Variants in VASH2 observed in about 807,000 individuals in gnomAD.
The protein encoded by VASH2 is vasohibin 2, also known as tubulinyl-Tyr carboxypeptidase 2.
A neutral mutation model predicts 37.2 loss-of-function variants in VASH2; 28 were observed. The ratio of observed to expected loss-of-function variants is 0.75; its 90% CI spans 0.56 to 1.03. The LOEUF (loss-of-function observed/expected upper bound fraction) is 1.03, where lower values mean the gene tolerates loss of function less well. Among genes scored for constraint, VASH2 ranks in the 50% least tolerant of loss-of-function variants. VASH2 has a pLI of 0.00. For synonymous variants in VASH2, 188 were observed against 174.7 expected (o/e 1.08, Z -0.60); for missense variants, 419 against 459.1 (o/e 0.91, Z 0.80).
chr1:212,951,678 G>A lies in VASH2; in HGVS notation c.136G>A (p.Gly46Arg), dbSNP rs765047470. The change falls in exon 2 of 8, where the codon GGG (glycine) becomes AGG (arginine). Residue 46 changes from glycine to arginine, a missense_variant. Coordinates refer to ENST00000517399, the MANE Select transcript of VASH2 (RefSeq NM_001301056.2). The surrounding 1 kb of genome is among the most constrained non-coding windows in gnomAD (Gnocchi z 4.4). ...GGSEEEDKDG[G>R]VLFHVNKSGF... ...CTCAGAGGAGGAGGACAAAGACGGC[G>A]GGGTGCTGTTCCACGTCAACAAGAG... is the stretch of plus-strand genomic sequence containing the variant. 2 of 1,598,086 alleles carry A rather than the reference G, an allele frequency of 1.3e-6. No individual in the cohort carries two copies. The highest frequency in any genetic ancestry group is 8.5e-7 in the Non-Finnish European group (1 of 1,173,546).
At chr1:212,985,806 C>T (rs960433404) in intron 7 of VASH2, among the ~76,000 whole-genome samples, 1 of 152,210 alleles carries the variant, frequency 6.6e-6, no homozygotes, top group Non-Finnish European at 1.5e-5. Context: ...ATGAAGGGCA[C>T]ATACCAGTTG....
At chr1:212,961,119 C>T in intron 2 of VASH2, 47 bp from the exon 3 acceptor site, 1 of 1,595,820 alleles carries the variant, frequency 6.3e-7, no homozygotes, top group African/African-American at 1.3e-5. Context: ...AGCTGGGCCC[C>T]AGAGCGCCTC....
At chr1:212,968,448 TGG>T (rs1260530374) in intron 5 of VASH2, 1 of 985,400 alleles carries the variant, frequency 1.0e-6, no homozygotes, top group East Asian at 1.1e-4. Context: ...CTGGGTCTCC[TGG>T]ACATCTTTGT....
At position 212,989,381 on chromosome 1, in the gene VASH2, C is replaced by T. The variant is rs1311649787; in HGVS notation, c.*797C>T. ...AACATTTAAACTTTGCAGACTCTAA[C>T]AAAAAGCACAAGAGGTCACGTACTA... On this transcript the variant is annotated 3_prime_UTR_variant, in exon 8 of 8. Coordinates refer to ENST00000517399, the MANE Select transcript of VASH2 (RefSeq NM_001301056.2). 1 of 152,128 alleles carries T rather than the reference C, an allele frequency of 6.6e-6. No individual in the cohort carries two copies. The highest frequency in any genetic ancestry group is 1.9e-4 in the East Asian group (1 of 5,202). 9.4% of individuals were successfully genotyped at this position (152,128 alleles called of 1,614,324 possible).
intron 5 of VASH2, chr1:212,968,352 A>G: frequency 1.0e-6 from 1 of 985,510 alleles, no homozygotes; most frequent in Non-Finnish European, 1.2e-6. Context: ...AAAGAAAACC[A>G]GGAGAGAAAG....
intron 2 of VASH2, among the ~76,000 whole-genome samples, chr1:212,959,647 C>T (rs556602611): frequency 3.3e-5 from 5 of 152,324 alleles, no homozygotes; most frequent in South Asian, 2.1e-4. Context: ...TGGAAAGACC[C>T]CGATGCCCAG....
intron 2 of VASH2, among the ~76,000 whole-genome samples, chr1:212,956,180 C>T (rs1666483523): frequency 6.6e-6 from 1 of 152,218 alleles, no homozygotes; most frequent in African/African-American, 2.4e-5. Flanking sequence ...CCATCCGTAT[C>T]ACTTCCCTTG....
chr1:212,973,870 G>T, intron 6 of VASH2, 85 bp from the exon 7 acceptor site: 2 of 1,518,946 alleles, frequency 1.3e-6, no homozygotes, highest in Non-Finnish European at 8.9e-7. Flanking sequence ...GATTGGGCTG[G>T]GGGGTGGAAT....
intron 3 of VASH2, among the ~76,000 whole-genome samples, chr1:212,962,096 C>T (rs920999369): frequency 3.9e-5 from 6 of 152,184 alleles, no homozygotes; most frequent in East Asian, 3.9e-4. Context: ...CCCTCTCCCC[C>T]GACTCGAGCT....
At chr1:212,968,957 A>T in intron 5 of VASH2, 3 of 985,324 alleles carry the variant, frequency 3.0e-6, no homozygotes, top group East Asian at 1.1e-4. Context: ...AATTTTATAC[A>T]TTTGCGCATC....
In VASH2 at chr1:212,971,206, T is replaced by C. The variant is rs114270086; in HGVS notation, c.498-1374T>C. Among the ~76,000 whole-genome samples the C allele has an allele frequency of 0.021, 3,244 of 152,332 alleles. 62 individuals are homozygous for C. Among genetic ancestry groups the C allele is most frequent in the Middle Eastern group, 0.054 (16 of 294 alleles). On this transcript the variant is annotated intron_variant, in intron 5 of 7. Transcript: ENST00000517399. The surrounding 1 kb of genome is among the most constrained non-coding windows in gnomAD (Gnocchi z 4.0). ...TCATCCCTTTATCCATCGATGGATA[T>C]TTGCGTTGTTTCCACCTTCTGGCTA...
chr1:212,984,393 C>G (rs554436067), intron 7 of VASH2, among the ~76,000 whole-genome samples: 5 of 152,258 alleles, frequency 3.3e-5, no homozygotes, highest in African/African-American at 1.2e-4. Context: ...CCCAGTGAGC[C>G]TCCATGACAG....
At chr1:212,968,962 C>A in intron 5 of VASH2, 1 of 985,398 alleles carries the variant, frequency 1.0e-6, no homozygotes, top group Non-Finnish European at 1.2e-6. Context: ...TATACATTTG[C>A]GCATCATGCC....
chr1:212,951,474 C>A lies in VASH2; in HGVS notation c.-69C>A. ...CCCTCGCCGCGCCCGCGCGCACACG[C>A]CCCCCGCCGCCGCCGCCGCTGCCGC... On this transcript the variant is annotated 5_prime_UTR_variant, in exon 2 of 8. Coordinates refer to ENST00000517399, the MANE Select transcript of VASH2 (RefSeq NM_001301056.2). This position sits in a 1 kb window ranked among gnomAD's most constrained non-coding sequence, Gnocchi z 4.4. 3.0e-6 allele frequency: 3 copies of A among 1,009,118 alleles called. No individual in the cohort carries two copies. The highest frequency in any genetic ancestry group is 3.7e-6 in the Non-Finnish European group (3 of 820,754). 62.5% of individuals were successfully genotyped at this position (1,009,118 alleles called of 1,614,324 possible). A position where few individuals can be genotyped will look rare whatever the true frequency, so the allele number is the denominator to read the frequency against.
At chr1:212,953,053 G>A (rs114811173) in intron 2 of VASH2, among the ~76,000 whole-genome samples, 2,352 of 152,222 alleles carry the variant, frequency 0.015, 22 homozygotes, top group Middle Eastern at 0.027. Context: ...TTGCAGTTCT[G>A]ACTTGAGAAT....
intron 7 of VASH2, among the ~76,000 whole-genome samples, chr1:212,977,917 A>T (rs1667226460): frequency 1.3e-5 from 2 of 152,226 alleles, no homozygotes; most frequent in African/African-American, 4.8e-5. Flanking sequence ...GTGTTTGATG[A>T]ATCAGAATGG....
chr1:212,971,675 T>C lies in VASH2; in HGVS notation c.498-905T>C, dbSNP rs1313114108. On this transcript the variant is annotated intron_variant, in intron 5 of 7. Transcript: ENST00000517399. This position sits in a 1 kb window ranked among gnomAD's most constrained non-coding sequence, Gnocchi z 4.0. ...GAAAGCAAGTACAAAACTGCTTTCT[T>C]TCTAGAGAGTGGAGGCATCCGTGAT... Among the ~76,000 whole-genome samples the C allele has an allele frequency of 1.3e-5, 2 of 152,158 alleles. No homozygotes were observed. Among genetic ancestry groups the C allele is most frequent in the Non-Finnish European group, 2.9e-5 (2 of 68,030 alleles).
At chr1:212,968,218 T>A (rs1388913874) in intron 5 of VASH2, 1 of 985,292 alleles carries the variant, frequency 1.0e-6, no homozygotes, top group Non-Finnish European at 1.2e-6. Flanking sequence ...GAGCTGTGAT[T>A]AGGAGGTTGT....
rs1666287166 is a variant in VASH2 at position 212,951,008 on chromosome 1, G to A, written c.-205+268G>A. Among the ~76,000 whole-genome samples, 1 of 152,238 alleles carries A rather than the reference G, an allele frequency of 6.6e-6. No individual in the cohort carries two copies. Among genetic ancestry groups the A allele is most frequent in the African/African-American group, 2.4e-5 (1 of 41,470 alleles). On this transcript the variant is annotated intron_variant, in intron 1 of 7. Transcript: ENST00000517399. The surrounding 1 kb of genome is among the most constrained non-coding windows in gnomAD (Gnocchi z 4.4). ...TCTCTTGGCCACATCTGAGGACCCA[G>A]GAATGTGTGGAGCCTTGCGGGAACC... is the stretch of plus-strand genomic sequence containing the variant.
Sources: gnomAD v4.1 joint callset for allele counts (sites outside exome capture counted in the v4.1 genomes callset) on GRCh38, gnomAD v4.1.1 for gene constraint, Gnocchi (gnomAD v3.1) non-coding constraint, MANE v1.5 for transcripts, NCBI Gene and HGNC (gene_info 2026-07-23, HGNC 2026-07-21) for gene names.